RMDN2: variants seen among roughly 807,000 people sequenced by gnomAD.
RMDN2 encodes the protein regulator of microtubule dynamics protein 2.
RMDN2 carries 61 observed loss-of-function variants against 52.8 expected under a neutral mutation model. That is an observed-to-expected ratio of 1.16 (90% CI 0.94 to 1.43). The LOEUF is 1.43. RMDN2 is among the 40% of genes most tolerant of loss of function. The pLI, the probability that RMDN2 is intolerant of heterozygous loss-of-function variation, is 0.00. For missense variants in RMDN2, 592 were observed against 475.3 expected (o/e 1.25, Z -2.28); for synonymous variants, 180 against 153.1 (o/e 1.18, Z -1.30).
At chr2:37,925,642 C>T (rs1440422676) in intron 1 of RMDN2, among the ~76,000 whole-genome samples, 1 of 152,222 alleles carries the variant, frequency 6.6e-6, no homozygotes, top group Non-Finnish European at 1.5e-5. Flanking sequence ...CCTCGCTGAC[C>T]CTGCGCCACG....
chr2:38,038,404 T>G (rs2125284867), intron 10 of RMDN2, among the ~76,000 whole-genome samples: 1 of 152,288 alleles, frequency 6.6e-6, no homozygotes, highest in Non-Finnish European at 1.5e-5. Flanking sequence ...TTCAGTTATC[T>G]CGGTACAAGG....
At chr2:37,926,923 G>A (rs1666327214) in intron 1 of RMDN2, among the ~76,000 whole-genome samples, 1 of 142,618 alleles carries the variant, frequency 7.0e-6, no homozygotes, top group Non-Finnish European at 1.6e-5. Context: ...GTGACAGAGC[G>A]AGACTCTAAA....
chr2:37,925,070 G>T (rs1558426720), upstream of RMDN2, among the ~76,000 whole-genome samples: 1 of 152,244 alleles, frequency 6.6e-6, no homozygotes, highest in Non-Finnish European at 1.5e-5. Flanking sequence ...CGGAGGCCCA[G>T]AGCCCAGGCG....
At chr2:37,941,203 G>C (rs1325197482) in intron 2 of RMDN2, among the ~76,000 whole-genome samples, 1 of 152,208 alleles carries the variant, frequency 6.6e-6, no homozygotes, top group Non-Finnish European at 1.5e-5. Flanking sequence ...GACCCTGTTT[G>C]CCTGGGTATC....
intron 10 of RMDN2, among the ~76,000 whole-genome samples, chr2:38,014,800 A>T (rs1021689603): frequency 6.6e-6 from 1 of 152,228 alleles, no homozygotes; most frequent in Non-Finnish European, 1.5e-5. Flanking sequence ...TTGTGATACA[A>T]AGAGAAAAAA....
chr2:37,955,214 A>G (rs1669297738), intron 2 of RMDN2, among the ~76,000 whole-genome samples: 1 of 152,084 alleles, frequency 6.6e-6, no homozygotes, highest in Non-Finnish European at 1.5e-5. Flanking sequence ...TGCACTGGCT[A>G]GGACTTTTAG....
chr2:38,012,369 C>G (rs1323498474), intron 10 of RMDN2, among the ~76,000 whole-genome samples: 1 of 152,166 alleles, frequency 6.6e-6, no homozygotes, highest in Non-Finnish European at 1.5e-5. Context: ...CCAGGTTTGT[C>G]TCATTCATCA....
At chr2:37,950,309 ACTC>A (rs1165972867) in intron 2 of RMDN2, 1 of 675,528 alleles carries the variant, frequency 1.5e-6, no homozygotes, top group East Asian at 3.1e-5. Context: ...TTGTTGGATG[ACTC>A]CTCCAACAGT....
chr2:38,000,425 C>T lies in RMDN2; in HGVS notation c.1044+2911C>T, dbSNP rs180729532. Among the ~76,000 whole-genome samples the T allele has an allele frequency of 7.0e-3, 1,073 of 152,256 alleles. 17 individuals are homozygous for T. The highest frequency in any genetic ancestry group is 0.024 in the African/African-American group (1,005 of 41,542). ...TGACAAACTTATATACCTATGTAAC[C>T]ACCACTGTAACCACCACCATTTCAA... On this transcript the variant is annotated intron_variant, in intron 8 of 10. Coordinates refer to ENST00000354545, the MANE Select transcript of RMDN2 (RefSeq NM_001170791.3).
intron 7 of RMDN2, among the ~76,000 whole-genome samples, chr2:37,996,776 A>C (rs2125159973): frequency 6.6e-6 from 1 of 152,276 alleles, no homozygotes; most frequent in East Asian, 1.9e-4. Flanking sequence ...TATTTGGGGA[A>C]AGAGCAAAAC....
chr2:37,965,971 A>G (rs2125040107), intron 2 of RMDN2, among the ~76,000 whole-genome samples: 1 of 152,312 alleles, frequency 6.6e-6, no homozygotes, highest in Non-Finnish European at 1.5e-5. Context: ...TCTGCTGAGA[A>G]ATCTGCTGAT....
chr2:37,942,931 C>T (rs944606357), intron 2 of RMDN2, among the ~76,000 whole-genome samples: 1 of 152,072 alleles, frequency 6.6e-6, no homozygotes, highest in Non-Finnish European at 1.5e-5. Flanking sequence ...TTAACTAGAA[C>T]CCTAACGGCC....
chr2:38,008,724 T>C (rs1287048028), intron 10 of RMDN2, among the ~76,000 whole-genome samples: 3 of 152,220 alleles, frequency 2.0e-5, no homozygotes, highest in Non-Finnish European at 2.9e-5. Context: ...AATATTGTTA[T>C]GTGTGAATTT....
In RMDN2 at chr2:37,997,487, A is replaced by G. The variant is rs766151730; in HGVS notation, c.1017A>G (p.Val339=). The G allele has an allele frequency of 2.5e-6, 4 of 1,612,718 alleles. No homozygotes were observed. The African/African-American group carries it at 5.3e-5, about 22-fold the overall frequency. ...TTGGAAAAATACCATCTTCAACTGTACAAGAAGCTTTACACAATTTCCTTA... is the reference window on the plus strand; with the variant it reads ...TTGGAAAAATACCATCTTCAACTGTGCAAGAAGCTTTACACAATTTCCTTA... ...TLFGKIPSST[V]QEALHNFLKA... Residue 339 remains valine, a synonymous_variant, in exon 8 of 11, where the codon GTA becomes GTG. Coordinates refer to ENST00000354545, the MANE Select transcript of RMDN2 (RefSeq NM_001170791.3).
At chr2:37,975,092 C>G (rs1672289229) in intron 3 of RMDN2, 120 bp from the exon 4 acceptor site, 1 of 673,150 alleles carries the variant, frequency 1.5e-6, no homozygotes. Context: ...TACATAGATT[C>G]AATAATCTAT....
intron 2 of RMDN2, among the ~76,000 whole-genome samples, chr2:37,937,531 A>G (rs575990788): frequency 7.2e-5 from 11 of 152,220 alleles, no homozygotes; most frequent in Non-Finnish European, 1.5e-4. Context: ...ATCCATGAGC[A>G]TGGAATGTTT....
At chr2:37,962,603 C>T (rs1296839824) in intron 2 of RMDN2, among the ~76,000 whole-genome samples, 1 of 152,166 alleles carries the variant, frequency 6.6e-6, no homozygotes, top group Non-Finnish European at 1.5e-5. Flanking sequence ...GAATTTCCAG[C>T]CAGTGGATCT....
intron 2 of RMDN2, among the ~76,000 whole-genome samples, chr2:37,941,480 G>A (rs1369190925): frequency 6.6e-6 from 1 of 152,232 alleles, no homozygotes; most frequent in Non-Finnish European, 1.5e-5. Context: ...TAAGTCTGCT[G>A]AAGCTGCGCC....
chr2:38,014,420 T>G (rs1383274052), intron 10 of RMDN2, among the ~76,000 whole-genome samples: 1 of 152,246 alleles, frequency 6.6e-6, no homozygotes, highest in Admixed American at 6.5e-5. Context: ...TTGTATTGTT[T>G]AAATTGATCT....
Sources: gnomAD v4.1 joint callset for allele counts (sites outside exome capture counted in the v4.1 genomes callset) on GRCh38, gnomAD v4.1.1 for gene constraint, MANE v1.5 for transcripts, NCBI Gene and HGNC (gene_info 2026-07-23, HGNC 2026-07-21) for gene names.